ACACB: variants seen among roughly 807,000 people sequenced by gnomAD.
ACACB encodes acetyl-CoA carboxylase 2.
Under a neutral mutation model 278.8 loss-of-function variants are expected in ACACB, and 209 were observed. That is an observed-to-expected ratio of 0.75 (90% confidence interval 0.67 to 0.84). The LOEUF (loss-of-function observed/expected upper bound fraction) is 0.84, where lower values mean the gene tolerates loss of function less well. ACACB is among the 40% of genes least tolerant of loss of function. ACACB has a pLI of 0.00. For missense variants in ACACB, 2,850 were observed against 3,269.0 expected (o/e 0.87, Z 3.13); for synonymous variants, 1,174 against 1,285.6 (o/e 0.91, Z 1.86).
chr12:109,212,889 A>G lies in ACACB; in HGVS notation c.3303A>G (p.Arg1101=), dbSNP rs1443189178. The G allele has an allele frequency of 3.1e-6, 5 of 1,614,004 alleles. No homozygotes were observed. Among genetic ancestry groups the G allele is most frequent in the Admixed American group, 1.7e-5 (1 of 59,988 alleles). ...CCACCCTGCAGCGGAAGGCTGATCGAGAGGTCTTCTTCATCAACACCCAGA... is the reference window on the plus strand; with the variant it reads ...CCACCCTGCAGCGGAAGGCTGATCGGGAGGTCTTCTTCATCAACACCCAGA... ...HAATLQRKAD[R]EVFFINTQSI... The change falls in exon 22 of 53, where the codon CGA becomes CGG. Residue 1101 remains arginine (R), a synonymous_variant. Transcript: ENST00000338432.
intron 44 of ACACB, among the ~76,000 whole-genome samples, chr12:109,254,751 TAC>T (rs2047181234): frequency 6.6e-6 from 1 of 151,388 alleles, no homozygotes; most frequent in Admixed American, 6.6e-5. Flanking sequence ...TCTGTGAGTT[TAC>T]ACAGGATAGG....
At position 109,166,649 on chromosome 12, in the gene ACACB, C is replaced by CAAAAAAAAAAAAAA. The variant is rs869303420; in HGVS notation, c.654-197_654-184dup. Reference sequence around the variant, plus strand: ...TAGGTGACAGAATGAGATCCCGTCTCAAAAAAAAAAAAAAAAAAAAAAAAA... The same window carrying CAAAAAAAAAAAAAA: ...TAGGTGACAGAATGAGATCCCGTCTCAAAAAAAAAAAAAAAAAAAAAAAAAAAAAAAAAAAAAAA... On this transcript the variant is annotated intron_variant, in intron 2 of 52. Transcript: ENST00000338432. Among the ~76,000 whole-genome samples, 24 of 25,088 alleles carry CAAAAAAAAAAAAAA rather than the reference C, an allele frequency of 9.6e-4. 6 individuals are homozygous for CAAAAAAAAAAAAAA. Among genetic ancestry groups the CAAAAAAAAAAAAAA allele is most frequent in the Non-Finnish European group, 1.3e-3 (20 of 15,570 alleles). The allele number at this position is 25,088 out of a possible 152,430, so 16.5% of individuals were successfully genotyped here.
intron 27 of ACACB, among the ~76,000 whole-genome samples, chr12:109,226,699 CAA>C (rs531983826): frequency 5.4e-5 from 4 of 74,194 alleles, no homozygotes; most frequent in Non-Finnish European, 2.8e-5. Flanking sequence ...AACTCCATCT[CAA>C]AAAAAAAAAA....
Position 109,234,036 on chromosome 12 carries a change from A to G in ACACB, c.4338A>G (p.Val1446=). ...TGGTGCCGATTTTACGGACATTCGTACAGTCCAAGGTACTCTGGGCGTGCC... is the reference window on the plus strand; with the variant it reads ...TGGTGCCGATTTTACGGACATTCGTGCAGTCCAAGGTACTCTGGGCGTGCC... ...EALVPILRTF[V]QSKKNILVDY... Residue 1446 remains valine (V), a synonymous_variant, in exon 31 of 53, where the codon GTA becomes GTG. Coordinates refer to ENST00000338432, the MANE Select transcript of ACACB (RefSeq NM_001093.4). 1.2e-6 allele frequency: 2 copies of G among 1,611,680 alleles called. No homozygotes were observed. Among genetic ancestry groups the G allele is most frequent in the Non-Finnish European group, 8.5e-7 (1 of 1,178,740 alleles).
chr12:109,117,594 A>C (rs2042437357), intron 1 of ACACB, among the ~76,000 whole-genome samples: 1 of 151,194 alleles, frequency 6.6e-6, no homozygotes, highest in African/African-American at 2.4e-5. Flanking sequence ...TTTGGTATAA[A>C]CCCCCCAGAC....
intron 19 of ACACB, 68 bp downstream of exon 19, chr12:109,201,769 G>T: frequency 3.8e-6 from 6 of 1,572,362 alleles, no homozygotes; most frequent in Non-Finnish European, 5.2e-6. Flanking sequence ...CTGGTTCAGT[G>T]AGACAGGTGG....
chr12:109,126,718 G>T (rs1005776091), intron 1 of ACACB, among the ~76,000 whole-genome samples: 1 of 151,930 alleles, frequency 6.6e-6, no homozygotes, highest in Non-Finnish European at 1.5e-5. Context: ...TAAAAAGAAA[G>T]AAAAAAGAAG....
intron 27 of ACACB, among the ~76,000 whole-genome samples, chr12:109,224,846 C>T (rs879379902): frequency 1.6e-4 from 20 of 126,664 alleles, no homozygotes; most frequent in Admixed American, 1.4e-3. Context: ...TTTAACACGG[C>T]CCTCTTACCC....
chr12:109,227,336 CCT>C (rs1168257153), intron 27 of ACACB, 33 bp from the exon 28 acceptor site: 3 of 1,580,946 alleles, frequency 1.9e-6, no homozygotes, highest in Non-Finnish European at 2.6e-6. Context: ...TGCAGTGGCC[CCT>C]GAGAGAATGT....
At chr12:109,174,706 T>A (rs1368123591) in intron 7 of ACACB, among the ~76,000 whole-genome samples, 8 of 144,996 alleles carry the variant, frequency 5.5e-5, no homozygotes, top group Non-Finnish European at 4.5e-5. Flanking sequence ...CCAGAAAAAG[T>A]AAAAAAAAAA....
chr12:109,167,813 C>G, intron 3 of ACACB, 83 bp from the exon 4 acceptor site: 1 of 1,603,422 alleles, frequency 6.2e-7, no homozygotes, highest in Non-Finnish European at 8.5e-7. Context: ...GGCTCTGCAG[C>G]TGTGAGGTGG....
chr12:109,265,583 A>AC, intron 52 of ACACB, 58 bp downstream of exon 52: 1 of 1,575,990 alleles, frequency 6.3e-7, no homozygotes, highest in Non-Finnish European at 8.6e-7. Context: ...GCCTGGATTG[A>AC]CCCCTAGCTA....
In ACACB at chr12:109,209,146, G is replaced by T; in HGVS notation, c.3061-19G>T. The stretch of plus-strand genomic sequence containing the variant: ...TGCCCATGCAGGGCTGGGGGCTGAT[G>T]CTGTGGTCCCCGCTTCAGCTGAAGG... On this transcript the variant is annotated intron_variant, in intron 20 of 52. Transcript: ENST00000338432. 1.3e-6 allele frequency: 2 copies of T among 1,576,872 alleles called. No homozygotes were observed. Among genetic ancestry groups the T allele is most frequent in the Non-Finnish European group, 1.7e-6 (2 of 1,161,246 alleles).
chr12:109,255,821 T>C (rs2047210362), intron 44 of ACACB, among the ~76,000 whole-genome samples: 2 of 152,238 alleles, frequency 1.3e-5, no homozygotes, highest in African/African-American at 4.8e-5. Context: ...GTCTGTCCAC[T>C]CTCTGCATCT....
chr12:109,167,628 T>C (rs1205979282), intron 3 of ACACB, among the ~76,000 whole-genome samples: 6 of 125,178 alleles, frequency 4.8e-5, no homozygotes, highest in South Asian at 2.7e-4. Flanking sequence ...TGTGTATATA[T>C]ATATATATAT....
chr12:109,123,858 A>T lies in ACACB; in HGVS notation c.-10+7154A>T, dbSNP rs577766305. Among the ~76,000 whole-genome samples the T allele has an allele frequency of 8.8e-3, 1,309 of 149,476 alleles. 17 individuals are homozygous for T. The highest frequency in any genetic ancestry group is 0.03 in the African/African-American group (1,215 of 40,812). On this transcript the variant is annotated intron_variant, in intron 1 of 52. Coordinates refer to ENST00000338432, the MANE Select transcript of ACACB (RefSeq NM_001093.4). ...CACGCCTGGCTAATTTTTTTTTTTT[A>T]ATTTTTATTTTTTAGGTAACAGAGT...
intron 3 of ACACB, 65 bp downstream of exon 3, chr12:109,167,058 TGGA>T: frequency 6.2e-7 from 1 of 1,603,592 alleles, no homozygotes; most frequent in Non-Finnish European, 8.5e-7. Flanking sequence ...TCCTCTCAGC[TGGA>T]GGTGGGAGAT....
At chr12:109,142,402 A>G (rs2043143692) in intron 2 of ACACB, among the ~76,000 whole-genome samples, 1 of 152,086 alleles carries the variant, frequency 6.6e-6, no homozygotes, top group African/African-American at 2.4e-5. Flanking sequence ...AAGCATCCAT[A>G]TTTGGTAGAT....
At chr12:109,184,510 A>G (rs2044587124) in intron 11 of ACACB, among the ~76,000 whole-genome samples, 1 of 152,146 alleles carries the variant, frequency 6.6e-6, no homozygotes, top group African/African-American at 2.4e-5. Flanking sequence ...CCACATCTAT[A>G]TCTAATATAT....
Sources: gnomAD v4.1 joint callset for allele counts (sites outside exome capture counted in the v4.1 genomes callset) on GRCh38, gnomAD v4.1.1 for gene constraint, MANE v1.5 for transcripts, NCBI Gene and HGNC (gene_info 2026-07-23, HGNC 2026-07-21) for gene names.